Variants in SYNPO2 observed in about 807,000 individuals in gnomAD.
The protein encoded by SYNPO2 is synaptopodin-2.
In SYNPO2, 56 loss-of-function variants were observed where a neutral mutation model predicts 85.0. The observed-to-expected ratio is 0.66, with a 90% CI of 0.53 to 0.82. The LOEUF (loss-of-function observed/expected upper bound fraction) is 0.82, where lower values mean the gene tolerates loss of function less well. Ranked by LOEUF, SYNPO2 falls within the 40% of genes least tolerant of loss-of-function variation. The probability of loss-of-function intolerance (pLI) is 0.00; values close to 1 mark genes in which losing one functional copy is unlikely to be tolerated. For missense variants in SYNPO2, 1,575 were observed against 1,534.2 expected (o/e 1.03, Z -0.44); for synonymous variants, 602 against 591.1 (o/e 1.02, Z -0.27).
intron 1 of SYNPO2, among the ~76,000 whole-genome samples, chr4:118,977,238 C>A (rs186160236): frequency 0.012 from 1,852 of 152,316 alleles, 27 homozygotes; most frequent in East Asian, 0.068. Flanking sequence ...AGCGCAGCGC[C>A]GGTGGGCCAG....
intron 4 of SYNPO2, among the ~76,000 whole-genome samples, chr4:119,051,637 T>G (rs1739055120): frequency 6.6e-6 from 1 of 152,162 alleles, no homozygotes; most frequent in African/African-American, 2.4e-5. Context: ...TTCGAAGTTA[T>G]TAGAGAAATT....
At chr4:118,975,195 C>T (rs1396343268) in intron 1 of SYNPO2, among the ~76,000 whole-genome samples, 1 of 152,204 alleles carries the variant, frequency 6.6e-6, no homozygotes, top group Non-Finnish European at 1.5e-5. Context: ...CCACATATCG[C>T]TCAGTCATTG....
intron 1 of SYNPO2, among the ~76,000 whole-genome samples, chr4:119,007,528 G>A (rs112117754): frequency 0.018 from 2,746 of 151,198 alleles, 69 homozygotes; most frequent in African/African-American, 0.06. Context: ...TGGCATGATC[G>A]TATGCTTATA....
chr4:119,005,466 A>G (rs1447800471), intron 1 of SYNPO2, among the ~76,000 whole-genome samples: 1 of 147,782 alleles, frequency 6.8e-6, no homozygotes, highest in Non-Finnish European at 1.5e-5. Context: ...TTTTCCCAGC[A>G]CCATTTATTA....
At chr4:119,052,290 G>A (rs923337571) in intron 4 of SYNPO2, among the ~76,000 whole-genome samples, 1 of 152,140 alleles carries the variant, frequency 6.6e-6, no homozygotes, top group Non-Finnish European at 1.5e-5. Context: ...CTCTCTGAGG[G>A]GGCAGATGGA....
intron 1 of SYNPO2, among the ~76,000 whole-genome samples, chr4:118,893,818 G>T (rs762720929): frequency 1.1e-4 from 16 of 150,582 alleles, no homozygotes; most frequent in Non-Finnish European, 1.5e-5. Context: ...TGATAATAAC[G>T]TATTGTATAT....
At chr4:118,934,079 A>G (rs1465466669) in intron 1 of SYNPO2, among the ~76,000 whole-genome samples, 1 of 152,112 alleles carries the variant, frequency 6.6e-6, no homozygotes, top group Non-Finnish European at 1.5e-5. Context: ...ATTGCTGTGT[A>G]GACCCTTGTA....
intron 1 of SYNPO2, among the ~76,000 whole-genome samples, chr4:118,933,272 G>T (rs1235516223): frequency 6.6e-6 from 1 of 152,166 alleles, no homozygotes; most frequent in African/African-American, 2.4e-5. Flanking sequence ...GTGCATCCTG[G>T]AATTTTTATT....
At chr4:119,035,159 A>T in intron 4 of SYNPO2, 1 of 985,474 alleles carries the variant, frequency 1.0e-6, no homozygotes, top group South Asian at 4.7e-5. Flanking sequence ...AAAGGTCATT[A>T]CAGTCACTGA....
chr4:119,051,437 C>T (rs1739045821), intron 4 of SYNPO2, among the ~76,000 whole-genome samples: 1 of 151,508 alleles, frequency 6.6e-6, no homozygotes, highest in South Asian at 2.1e-4. Context: ...GTGATCCGCC[C>T]GCCTCGGCCT....
intron 1 of SYNPO2, among the ~76,000 whole-genome samples, chr4:118,987,702 A>G (rs956637468): frequency 1.3e-5 from 2 of 151,264 alleles, no homozygotes; most frequent in Non-Finnish European, 2.9e-5. Context: ...TATTTTCTTC[A>G]CTTAGTACTG....
intron 1 of SYNPO2, among the ~76,000 whole-genome samples, chr4:118,957,626 T>G (rs894105259): frequency 6.6e-6 from 1 of 152,204 alleles, no homozygotes; most frequent in Non-Finnish European, 1.5e-5. Context: ...GAAAGAATGT[T>G]GATTGTCCTA....
chr4:118,959,087 T>C (rs1329753096), intron 1 of SYNPO2, among the ~76,000 whole-genome samples: 2 of 152,234 alleles, frequency 1.3e-5, no homozygotes, highest in African/African-American at 2.4e-5. Flanking sequence ...ACTACAAAGT[T>C]GTTGGTAACA....
chr4:118,926,801 T>C (rs1733726279), intron 1 of SYNPO2, among the ~76,000 whole-genome samples: 1 of 152,176 alleles, frequency 6.6e-6, no homozygotes, highest in Non-Finnish European at 1.5e-5. Flanking sequence ...AATAGGCTTT[T>C]CTCTAGAGGA....
chr4:118,989,507 T>C (rs111667616), intron 1 of SYNPO2, among the ~76,000 whole-genome samples: 5 of 152,362 alleles, frequency 3.3e-5, no homozygotes, highest in African/African-American at 9.6e-5. Context: ...ACAGAGAGCA[T>C]GCTATTTTTG....
intron 1 of SYNPO2, among the ~76,000 whole-genome samples, chr4:118,970,888 A>G (rs1306751858): frequency 6.6e-6 from 1 of 152,234 alleles, no homozygotes; most frequent in African/African-American, 2.4e-5. Flanking sequence ...AATCAAAAAG[A>G]TCACTTTAGT....
Position 119,058,046 on chromosome 4 carries a change from C to A in SYNPO2, c.*112C>A. On this transcript the variant is annotated 3_prime_UTR_variant, in exon 5 of 5. Transcript: ENST00000307142. ...GATTCACTTTTGGTCTTGGCTTGTT[C>A]TCATAAGTCATTTATCTAAGTTTGT... 8.4e-7 allele frequency: 1 copy of A among 1,183,490 alleles called. No homozygotes were observed. Among genetic ancestry groups the A allele is most frequent in the Non-Finnish European group, 1.2e-6 (1 of 855,928 alleles). 73.3% of individuals were successfully genotyped at this position (1,183,490 alleles called of 1,614,324 possible).
At chr4:119,009,909 G>A (rs962381018) in intron 1 of SYNPO2, among the ~76,000 whole-genome samples, 2 of 152,176 alleles carry the variant, frequency 1.3e-5, no homozygotes, top group African/African-American at 2.4e-5. Context: ...TCTGGGTTGG[G>A]GGCTGAGATT....
intron 1 of SYNPO2, among the ~76,000 whole-genome samples, chr4:118,948,704 C>G (rs915087065): frequency 4.6e-5 from 7 of 152,102 alleles, no homozygotes; most frequent in South Asian, 2.1e-4. Context: ...ACAACCAGCT[C>G]TTATGTGAAC....
Sources: gnomAD v4.1 joint callset for allele counts (sites outside exome capture counted in the v4.1 genomes callset) on GRCh38, gnomAD v4.1.1 for gene constraint, MANE v1.5 for transcripts, NCBI Gene and HGNC (gene_info 2026-07-23, HGNC 2026-07-21) for gene names.